Variants in TBC1D22A observed in about 807,000 individuals in gnomAD.
TBC1D22A encodes the protein TBC1 domain family member 22A, also known as putative GTPase activator.
Under a neutral mutation model 60.2 loss-of-function variants are expected in TBC1D22A, and 38 were observed. The observed-to-expected ratio is 0.63, with a 90% confidence interval of 0.49 to 0.83. The LOEUF (loss-of-function observed/expected upper bound fraction) is 0.83. TBC1D22A is among the 40% of genes least tolerant of loss of function. The pLI is 0.00. For synonymous variants in TBC1D22A, 302 were observed against 281.7 expected (o/e 1.07, Z -0.72); for missense variants, 628 against 701.0 (o/e 0.90, Z 1.18).
chr22:46,962,002 G>A (rs532823989), intron 8 of TBC1D22A, among the ~76,000 whole-genome samples: 23 of 152,320 alleles, frequency 1.5e-4, no homozygotes, highest in African/African-American at 3.8e-4. Context: ...TGCAGATTTC[G>A]TCAGTGGCAG....
At chr22:46,853,320 G>A (rs1374817154) in intron 4 of TBC1D22A, among the ~76,000 whole-genome samples, 2 of 152,224 alleles carry the variant, frequency 1.3e-5, no homozygotes, top group African/African-American at 4.8e-5. Flanking sequence ...CCTTGGGAAC[G>A]TTGAAAGCAG....
In TBC1D22A at chr22:47,090,917, G is replaced by T. The variant is rs989565592; in HGVS notation, c.1330-20591G>T. On this transcript the variant is annotated intron_variant, in intron 11 of 12. Transcript: ENST00000337137. ...GGCAGGAGAAGTCGTCTTTGGGGGG[G>T]TGTGGCCTCACGGAGGGGGTGGCTG... 2.3e-5 allele frequency among the ~76,000 whole-genome samples: 3 copies of T among 131,126 alleles called. No individual in the cohort carries two copies. The South Asian group carries it at 8.0e-4, about 35-fold the overall frequency. The allele number at this position is 131,126 out of a possible 152,430, so 86.0% of individuals were successfully genotyped here. A position where few individuals can be genotyped will look rare whatever the true frequency, so the allele number is the denominator to read the frequency against.
chr22:47,076,361 G>GTGTATATATATATATGTGTGTA (rs1392245000), intron 11 of TBC1D22A, among the ~76,000 whole-genome samples: 3 of 101,938 alleles, frequency 2.9e-5, no homozygotes, highest in African/African-American at 1.1e-4. Flanking sequence ...ATATGTGTGT[G>GTGTATATATATATATGTGTGTA]TATATATATA....
chr22:46,961,708 G>A (rs946732181), intron 8 of TBC1D22A, among the ~76,000 whole-genome samples: 3 of 152,180 alleles, frequency 2.0e-5, no homozygotes, highest in Admixed American at 6.5e-5. Flanking sequence ...TTCAGTAGCC[G>A]TTTTCTTCAC....
chr22:46,778,704 G>GT (rs930161154), intron 1 of TBC1D22A, among the ~76,000 whole-genome samples: 1 of 152,046 alleles, frequency 6.6e-6, no homozygotes, highest in African/African-American at 2.4e-5. Flanking sequence ...ATTGTATTTT[G>GT]TTTTTTAAAC....
chr22:46,777,237 G>A lies in TBC1D22A; in HGVS notation c.62+14389G>A, dbSNP rs2083742855. ...CCCGATTTAAGTTAGTGGGACAGAG[G>A]GTTTTCGATGCCAGGACATGGGCCA... On this transcript the variant is annotated intron_variant, in intron 1 of 12. Transcript: ENST00000337137. The surrounding 1 kb of genome is among the most constrained non-coding windows in gnomAD (Gnocchi z 4.5). 7.5e-6 allele frequency among the ~76,000 whole-genome samples: 1 copy of A among 132,924 alleles called. No homozygotes were observed. The highest frequency in any genetic ancestry group is 8.2e-5 in the Admixed American group (1 of 12,238). 87.2% of individuals were successfully genotyped at this position (132,924 alleles called of 152,430 possible).
rs1569189518 is a variant in TBC1D22A at position 46,897,645 on chromosome 22, T to TTG, written c.900+2800_900+2801insGT. Reference sequence around the variant, plus strand: ...TTTTTGTTTTGTTTCGTTTTGTTTTTTTTTGTGTTTTTTTTTTTTTTTTTA... The same window carrying TTG: ...TTTTTGTTTTGTTTCGTTTTGTTTTTTGTTTTGTGTTTTTTTTTTTTTTTTTA... On this transcript the variant is annotated intron_variant, in intron 7 of 12. Coordinates refer to ENST00000337137, the MANE Select transcript of TBC1D22A (RefSeq NM_014346.5). Among the ~76,000 whole-genome samples the TTG allele has an allele frequency of 7.8e-4, 93 of 119,014 alleles. 3 individuals are homozygous for TTG. Among genetic ancestry groups the TTG allele is most frequent in the African/African-American group, 2.7e-3 (86 of 31,802 alleles). 78.1% of individuals were successfully genotyped at this position (119,014 alleles called of 152,430 possible). A position where few individuals can be genotyped will look rare whatever the true frequency, so the allele number is the denominator to read the frequency against.
chr22:46,778,044 T>C (rs535917590), intron 1 of TBC1D22A, among the ~76,000 whole-genome samples: 2 of 152,282 alleles, frequency 1.3e-5, no homozygotes, highest in African/African-American at 4.8e-5. Context: ...TAAACATCTC[T>C]AAATATGGAG....
At chr22:46,973,993 T>C (rs936925356) in intron 8 of TBC1D22A, among the ~76,000 whole-genome samples, 2 of 152,268 alleles carry the variant, frequency 1.3e-5, no homozygotes, top group African/African-American at 2.4e-5. Flanking sequence ...TAATATATTC[T>C]ATTTTCTCTC....
At chr22:46,830,054 C>T (rs887444822) in intron 4 of TBC1D22A, among the ~76,000 whole-genome samples, 8 of 152,142 alleles carry the variant, frequency 5.3e-5, no homozygotes, top group African/African-American at 1.4e-4. Flanking sequence ...AGCGCAGAGC[C>T]CTGGGTGGGG....
At chr22:47,171,370 C>T (rs1051627079) in intron 12 of TBC1D22A, among the ~76,000 whole-genome samples, 7 of 152,146 alleles carry the variant, frequency 4.6e-5, no homozygotes, top group African/African-American at 1.4e-4. Flanking sequence ...GCCTTCCTGA[C>T]TTCCTGGATC....
intron 11 of TBC1D22A, among the ~76,000 whole-genome samples, chr22:47,062,056 C>G (rs1350839032): frequency 7.9e-6 from 1 of 127,050 alleles, no homozygotes; most frequent in Non-Finnish European, 1.5e-5. Flanking sequence ...CTGCTGCACT[C>G]CAGCCTGGGC....
intron 4 of TBC1D22A, among the ~76,000 whole-genome samples, chr22:46,807,300 C>T (rs13055465): frequency 2.5e-5 from 3 of 120,064 alleles, no homozygotes; most frequent in African/African-American, 5.9e-5. Context: ...GTAGTGATGG[C>T]GATGATAACT....
chr22:47,112,876 G>A (rs914011172), intron 12 of TBC1D22A, among the ~76,000 whole-genome samples: 5 of 152,236 alleles, frequency 3.3e-5, no homozygotes, highest in Non-Finnish European at 7.3e-5. Flanking sequence ...CCCGGCTGAT[G>A]CAAGGCTGCT....
In TBC1D22A at chr22:46,973,316, C is replaced by G. The variant is rs1005652025; in HGVS notation, c.1016-974C>G. On this transcript the variant is annotated intron_variant, in intron 8 of 12. Transcript: ENST00000337137. Reference sequence around the variant, plus strand: ...GCCACGGCCCTGCCCCTCTTTACCCCGCTGTTGTCCGGGGCTCAAGGGTGG... The same window carrying G: ...GCCACGGCCCTGCCCCTCTTTACCCGGCTGTTGTCCGGGGCTCAAGGGTGG... Among the ~76,000 whole-genome samples, 3 of 152,322 alleles carry G rather than the reference C, an allele frequency of 2.0e-5. No individual in the cohort carries two copies. The South Asian group carries it at 6.2e-4, about 32-fold the overall frequency.
At position 47,104,036 on chromosome 22, in the gene TBC1D22A, G is replaced by A. The variant is rs139064416; in HGVS notation, c.1330-7472G>A. On this transcript the variant is annotated intron_variant, in intron 11 of 12. Transcript: ENST00000337137. ...CTGTAAAGAATCTTGGCTGGGCACG[G>A]TGGCTCACGCCTGTAATCTCAGCAC... 8.2e-3 allele frequency among the ~76,000 whole-genome samples: 1,247 copies of A among 152,294 alleles called. 22 individuals are homozygous for A. The highest frequency in any genetic ancestry group is 0.028 in the African/African-American group (1,176 of 41,538).
At chr22:47,007,618 T>C (rs2061633069) in intron 10 of TBC1D22A, among the ~76,000 whole-genome samples, 1 of 151,688 alleles carries the variant, frequency 6.6e-6, no homozygotes, top group Non-Finnish European at 1.5e-5. Flanking sequence ...GGCTGTCCCC[T>C]AGGGTTGGGT....
chr22:47,129,042 G>A (rs1011663487), intron 12 of TBC1D22A, among the ~76,000 whole-genome samples: 13 of 152,316 alleles, frequency 8.5e-5, no homozygotes, highest in Middle Eastern at 3.4e-3. Flanking sequence ...GTTTTTTGCC[G>A]TTTATCATGG....
chr22:47,127,461 G>A (rs557309513), intron 12 of TBC1D22A, among the ~76,000 whole-genome samples: 1 of 150,180 alleles, frequency 6.7e-6, no homozygotes, highest in South Asian at 2.1e-4. Flanking sequence ...CTGACCTCAG[G>A]TGATCCACCC....
Sources: allele counts gnomAD v4.1 joint callset (sites outside exome capture counted in the v4.1 genomes callset), GRCh38; gene constraint gnomAD v4.1.1; non-coding constraint Gnocchi (gnomAD v3.1); transcripts MANE v1.5; gene names NCBI Gene and HGNC (gene_info 2026-07-23, HGNC 2026-07-21).